Variants in EML1 observed in about 807,000 individuals in gnomAD.
EML1 encodes the protein echinoderm microtubule-associated protein-like 1.
EML1 carries 27 observed loss-of-function variants against 110.4 expected under a neutral mutation model. The observed-to-expected ratio is 0.24, with a 90% CI of 0.18 to 0.34. EML1 has a LOEUF of 0.34. Among genes scored for constraint, EML1 ranks in the 10% least tolerant of loss-of-function variants. The pLI, the probability that EML1 is intolerant of heterozygous loss-of-function variation, is 1.00. For missense variants in EML1, 741 were observed against 1,030.9 expected (o/e 0.72, Z 3.85); for synonymous variants, 344 against 385.8 (o/e 0.89, Z 1.27).
intron 1 of EML1, among the ~76,000 whole-genome samples, chr14:99,743,719 C>T (rs2140162446): frequency 1.3e-5 from 2 of 152,292 alleles, no homozygotes; most frequent in Middle Eastern, 3.4e-3. Context: ...GGGCCCCACG[C>T]CAGTGTCGGA....
chr14:99,765,196 C>T (rs185336385), intron 1 of EML1, among the ~76,000 whole-genome samples: 2 of 152,266 alleles, frequency 1.3e-5, no homozygotes, highest in African/African-American at 4.8e-5. Context: ...CAGTCTCGGC[C>T]TCCCAAAGTG....
At chr14:99,816,369 G>T (rs913883716) in intron 1 of EML1, among the ~76,000 whole-genome samples, 1 of 152,206 alleles carries the variant, frequency 6.6e-6, no homozygotes, top group African/African-American at 2.4e-5. Context: ...CACCATGTTG[G>T]TAAGGCTGGT....
chr14:99,916,538 GC>G (rs1445326951), intron 15 of EML1, among the ~76,000 whole-genome samples: 1 of 152,094 alleles, frequency 6.6e-6, no homozygotes, highest in African/African-American at 2.4e-5. Flanking sequence ...CCTGCAAAGT[GC>G]CCTTTATCTA....
intron 6 of EML1, 142 bp downstream of exon 6, chr14:99,894,900 T>C: frequency 1.8e-6 from 2 of 1,123,494 alleles, no homozygotes; most frequent in Non-Finnish European, 2.4e-6. Flanking sequence ...GAAAACTTAA[T>C]GTAACAAAAT....
chr14:99,863,816 A>G (rs550891943), intron 2 of EML1, among the ~76,000 whole-genome samples: 3 of 152,374 alleles, frequency 2.0e-5, no homozygotes, highest in Non-Finnish European at 2.9e-5. Flanking sequence ...TTGTGTAGAC[A>G]TAAGTTTTCA....
chr14:99,754,336 C>G (rs1472495862), intron 1 of EML1, among the ~76,000 whole-genome samples: 1 of 152,256 alleles, frequency 6.6e-6, no homozygotes, highest in Non-Finnish European at 1.5e-5. Flanking sequence ...ATCTCCCAGC[C>G]TGGCATGCCA....
At position 99,939,035 on chromosome 14, in the gene EML1, C is replaced by G. The variant is rs566420480; in HGVS notation, c.2192-162C>G. Among the ~76,000 whole-genome samples, 1 of 152,326 alleles carries G rather than the reference C, an allele frequency of 6.6e-6. No homozygotes were observed. Among genetic ancestry groups the G allele is most frequent in the Non-Finnish European group, 1.5e-5 (1 of 68,022 alleles). ...GAGTGAGAGGAGACTGGGCGCACAG[C>G]GAGAGGCCAGGAACTGAGGCTATTG... is the stretch of plus-strand genomic sequence containing the variant. On this transcript the variant is annotated intron_variant, in intron 20 of 21. Transcript: ENST00000262233. The surrounding 1 kb of genome is among the most constrained non-coding windows in gnomAD (Gnocchi z 4.2).
At chr14:99,853,476 C>T (rs1194195886) in intron 2 of EML1, among the ~76,000 whole-genome samples, 1 of 151,888 alleles carries the variant, frequency 6.6e-6, no homozygotes, top group Non-Finnish European at 1.5e-5. Flanking sequence ...CACGTGGGCA[C>T]TTGGGAACTG....
At chr14:99,751,302 G>A (rs2057172225) in intron 1 of EML1, among the ~76,000 whole-genome samples, 1 of 152,096 alleles carries the variant, frequency 6.6e-6, no homozygotes, top group Non-Finnish European at 1.5e-5. Flanking sequence ...GTAGCCCTGA[G>A]TCAGGTCTTG....
chr14:99,826,102 T>C lies in EML1; in HGVS notation c.68-24751T>C, dbSNP rs540068278. ...AGCATTTAAAGTCTGCTTCTGTGCA[T>C]TGATTTTTTTTTTTTTTTTTTTTTT... is the stretch of plus-strand genomic sequence containing the variant. On this transcript the variant is annotated intron_variant, in intron 1 of 21. Transcript: ENST00000262233. 1.0e-4 allele frequency among the ~76,000 whole-genome samples: 15 copies of C among 146,550 alleles called. 1 individual carries two copies. In the South Asian group the frequency reaches 3.3e-3, roughly 32 times the overall value.
chr14:99,754,830 T>C (rs950443931), intron 1 of EML1, among the ~76,000 whole-genome samples: 4 of 152,126 alleles, frequency 2.6e-5, no homozygotes, highest in Non-Finnish European at 5.9e-5. Flanking sequence ...AGGTCATGCC[T>C]GTGAAGCTTG....
At chr14:99,930,161 T>C (rs2060341022) in intron 17 of EML1, among the ~76,000 whole-genome samples, 2 of 152,166 alleles carry the variant, frequency 1.3e-5, no homozygotes, top group Admixed American at 6.5e-5. Context: ...AGGTTCAAGG[T>C]TGATGTTAAC....
At chr14:99,915,308 AG>A (rs1344219282) in intron 15 of EML1, 3 of 152,314 alleles carry the variant, frequency 2.0e-5, no homozygotes, top group Non-Finnish European at 4.4e-5. Flanking sequence ...GCTCCTTGGA[AG>A]GCTGAGGCAG....
intron 1 of EML1, among the ~76,000 whole-genome samples, chr14:99,738,406 G>A (rs2056995369): frequency 6.6e-6 from 1 of 152,232 alleles, no homozygotes; most frequent in South Asian, 2.1e-4. Context: ...AGATTCTGGG[G>A]TCTGCCCACT....
intron 9 of EML1, among the ~76,000 whole-genome samples, chr14:99,904,592 A>AACATCAC (rs2059813660): frequency 6.6e-6 from 1 of 152,222 alleles, no homozygotes; most frequent in South Asian, 2.1e-4. Flanking sequence ...TTCATATATA[A>AACATCAC]ACATCACACA....
intron 1 of EML1, among the ~76,000 whole-genome samples, chr14:99,811,794 G>A (rs1205402264): frequency 6.7e-6 from 1 of 148,364 alleles, no homozygotes; most frequent in African/African-American, 2.4e-5. Flanking sequence ...TAGGCAACAG[G>A]AATGAGACTA....
rs372552081 is a variant in EML1, at chr14:99,881,833, T to C, written c.518+3214T>C. Reference sequence around the variant, plus strand: ...CCAGGATGGTCTCGATCTCTTGACCTTGTGATCCGCCCACCTCGGCCTCCC... The same window carrying C: ...CCAGGATGGTCTCGATCTCTTGACCCTGTGATCCGCCCACCTCGGCCTCCC... On this transcript the variant is annotated intron_variant, in intron 4 of 21. Coordinates refer to ENST00000262233, the MANE Select transcript of EML1 (RefSeq NM_004434.3). 1.7e-4 allele frequency among the ~76,000 whole-genome samples: 26 copies of C among 152,258 alleles called. No individual in the cohort carries two copies. In the East Asian group the frequency reaches 4.8e-3, roughly 28 times the overall value.
At position 99,890,038 on chromosome 14, in the gene EML1, A is replaced by G. The variant is rs183851083; in HGVS notation, c.519-1161A>G. On this transcript the variant is annotated intron_variant, in intron 4 of 21. Transcript: ENST00000262233. ...ATATTACTTACTACATCTTGGGATT[A>G]AGGATAGTTTTTATTCCTGGTGTTT... Among the ~76,000 whole-genome samples, 16 of 152,332 alleles carry G rather than the reference A, an allele frequency of 1.1e-4. No individual in the cohort carries two copies. In the East Asian group the frequency reaches 2.7e-3, roughly 26 times the overall value.
intron 1 of EML1, among the ~76,000 whole-genome samples, chr14:99,745,000 A>G (rs931196433): frequency 2.0e-5 from 3 of 151,714 alleles, no homozygotes; most frequent in Admixed American, 1.3e-4. Context: ...ACAGATATGC[A>G]CTCTCTCTTT....
Sources: gnomAD v4.1 joint callset for allele counts (sites outside exome capture counted in the v4.1 genomes callset) on GRCh38, gnomAD v4.1.1 for gene constraint, Gnocchi (gnomAD v3.1) non-coding constraint, MANE v1.5 for transcripts, NCBI Gene and HGNC (gene_info 2026-07-23, HGNC 2026-07-21) for gene names.